The following ST3GAL4 variants were observed in gnomAD, a reference collection of about 807,000 sequenced individuals.
ST3GAL4 encodes CMP-N-acetylneuraminate-beta-galactosamide-alpha-2,3-sialyltransferase 4.
A neutral mutation model predicts 42.6 loss-of-function variants in ST3GAL4; 24 were observed. The observed-to-expected ratio is 0.56, with a 90% CI of 0.41 to 0.79. The LOEUF is 0.79. ST3GAL4 is among the 30% of genes least tolerant of loss of function. ST3GAL4 has a pLI of 0.00. For missense variants in ST3GAL4, 311 were observed against 430.8 expected, an observed-to-expected ratio of 0.72 and a Z score of 2.46; for synonymous variants, 135 against 163.2, an observed-to-expected ratio of 0.83 and a Z score of 1.32.
intron 1 of ST3GAL4, among the ~76,000 whole-genome samples, chr11:126,377,959 C>T (rs1952880948): frequency 6.6e-6 from 1 of 152,040 alleles, no homozygotes; most frequent in Non-Finnish European, 1.5e-5. Flanking sequence ...TGATTTTTTT[C>T]AATTCACTCA....
At chr11:126,390,535 G>A (rs1953457506) in intron 1 of ST3GAL4, among the ~76,000 whole-genome samples, 1 of 151,410 alleles carries the variant, frequency 6.6e-6, no homozygotes, top group Non-Finnish European at 1.5e-5. Context: ...TGTATTCCCT[G>A]GTCACGAGTG....
chr11:126,402,936 G>C (rs1954071299), intron 1 of ST3GAL4, among the ~76,000 whole-genome samples: 1 of 152,190 alleles, frequency 6.6e-6, no homozygotes, highest in Admixed American at 6.5e-5. Context: ...TGGCCTCTTG[G>C]TGAGAGGCTG....
At chr11:126,387,599 C>T (rs1179194888) in intron 1 of ST3GAL4, among the ~76,000 whole-genome samples, 1 of 151,740 alleles carries the variant, frequency 6.6e-6, no homozygotes, top group Non-Finnish European at 1.5e-5. Flanking sequence ...GTTGCTTCAG[C>T]CTGGTGGGTG....
rs769618267 is a variant in ST3GAL4 at position 126,376,160 on chromosome 11, A to C, written c.-61+20318A>C. Reference sequence around the variant, plus strand: ...CATTATATCATAGAGCATATTCTATAGTAAGTTACTCCGATTGGCTTTTGG... The same window carrying C: ...CATTATATCATAGAGCATATTCTATCGTAAGTTACTCCGATTGGCTTTTGG... On this transcript the variant is annotated intron_variant, in intron 1 of 10. Coordinates refer to ENST00000444328, the MANE Select transcript of ST3GAL4 (RefSeq NM_001254757.2). The surrounding 1 kb of genome is among the most constrained non-coding windows in gnomAD (Gnocchi z 5.1). 5.3e-5 allele frequency among the ~76,000 whole-genome samples: 8 copies of C among 152,228 alleles called. No homozygotes were observed. Among genetic ancestry groups the C allele is most frequent in the Non-Finnish European group, 8.8e-5 (6 of 68,032 alleles).
chr11:126,361,011 G>C (rs1952224247), intron 1 of ST3GAL4, among the ~76,000 whole-genome samples: 1 of 152,200 alleles, frequency 6.6e-6, no homozygotes, highest in Admixed American at 6.5e-5. Flanking sequence ...ACCCAGGTGA[G>C]GATGGGCAGG....
chr11:126,385,237 C>T (rs943018412), intron 1 of ST3GAL4, among the ~76,000 whole-genome samples: 16 of 151,200 alleles, frequency 1.1e-4, no homozygotes, highest in African/African-American at 3.4e-4. Flanking sequence ...TCACTGCGAG[C>T]TCTGCCTCCC....
chr11:126,408,186 G>A lies in ST3GAL4; in HGVS notation c.429G>A (p.Val143=). Residue 143 remains valine, a synonymous_variant, in exon 7 of 11, where the codon GTG becomes GTA. Coordinates refer to ENST00000444328, the MANE Select transcript of ST3GAL4 (RefSeq NM_001254757.2). ...SLGDAINKYD[V]VIRLNNAPVA... ...GAGATGCCATCAACAAGTACGATGTGGTCATCAGGTGTGTGTGACTGTCTC... is the reference window on the plus strand; with the variant it reads ...GAGATGCCATCAACAAGTACGATGTAGTCATCAGGTGTGTGTGACTGTCTC... The A allele has an allele frequency of 6.2e-7, 1 of 1,614,152 alleles. No homozygotes were observed. The highest frequency in any genetic ancestry group is 1.1e-5 in the South Asian group (1 of 91,088).
Position 126,400,704 on chromosome 11 carries a change from T to C in ST3GAL4, c.-60-5392T>C, listed in dbSNP as rs1953960680. Among the ~76,000 whole-genome samples, 1 of 152,254 alleles carries C rather than the reference T, an allele frequency of 6.6e-6. No individual in the cohort carries two copies. The highest frequency in any genetic ancestry group is 1.9e-4 in the East Asian group (1 of 5,176). ...TGTTGGCAGTTTCGAAGAAGGGGCA[T>C]GAGTGAGGAAACAGTTGTGGTGAAG... is the stretch of plus-strand genomic sequence containing the variant. On this transcript the variant is annotated intron_variant, in intron 1 of 10. Transcript: ENST00000444328. This position sits in a 1 kb window ranked among gnomAD's most constrained non-coding sequence, Gnocchi z 4.6.
intron 1 of ST3GAL4, chr11:126,403,339 C>T (rs1954091758): frequency 1.1e-6 from 1 of 924,346 alleles, no homozygotes; most frequent in Non-Finnish European, 1.3e-6. Context: ...TAGCGCTGCT[C>T]ACCTCTGACG....
Position 126,406,912 on chromosome 11 carries a change from G to T in ST3GAL4, c.102-31G>T. ...ACATGGGTCCCTGGGTCTGACTGGG[G>T]CTTCTGCCTCCTGTCCTTTTTTCTC... On this transcript the variant is annotated intron_variant, in intron 3 of 10. Coordinates refer to ENST00000444328, the MANE Select transcript of ST3GAL4 (RefSeq NM_001254757.2). The surrounding 1 kb of genome is among the most constrained non-coding windows in gnomAD (Gnocchi z 5.4). 1 of 1,600,678 alleles carries T rather than the reference G, an allele frequency of 6.2e-7. No individual in the cohort carries two copies. The highest frequency in any genetic ancestry group is 1.1e-5 in the South Asian group (1 of 90,738).
chr11:126,406,895 C>T lies in ST3GAL4; in HGVS notation c.102-48C>T, dbSNP rs759850887. On this transcript the variant is annotated intron_variant, in intron 3 of 10. Coordinates refer to ENST00000444328, the MANE Select transcript of ST3GAL4 (RefSeq NM_001254757.2). The surrounding 1 kb of genome is among the most constrained non-coding windows in gnomAD (Gnocchi z 5.4). ...GGCTTAGGCTGCCTGGAACATGGGT[C>T]CCTGGGTCTGACTGGGGCTTCTGCC... The T allele has an allele frequency of 1.3e-6, 2 of 1,536,496 alleles. No individual in the cohort carries two copies. Among genetic ancestry groups the T allele is most frequent in the South Asian group, 2.2e-5 (2 of 89,304 alleles).
At chr11:126,399,301 CTTTTT>C (rs58479155) in intron 1 of ST3GAL4, among the ~76,000 whole-genome samples, 4 of 87,748 alleles carry the variant, frequency 4.6e-5, no homozygotes, top group Admixed American at 1.7e-4. Flanking sequence ...TTCTTTCCTT[CTTTTT>C]TTTTTTTTTT....
In ST3GAL4 at chr11:126,384,304, C is replaced by T. The variant is rs1030203605; in HGVS notation, c.-60-21792C>T. Among the ~76,000 whole-genome samples, 3 of 152,156 alleles carry T rather than the reference C, an allele frequency of 2.0e-5. No individual in the cohort carries two copies. Among genetic ancestry groups the T allele is most frequent in the African/African-American group, 7.2e-5 (3 of 41,418 alleles). ...TTTCTGAGCCCAGATCTCCGGTGCT[C>T]CAAGACACTCAAAACCAGAGCTGAG... is the stretch of plus-strand genomic sequence containing the variant. On this transcript the variant is annotated intron_variant, in intron 1 of 10. Transcript: ENST00000444328. The surrounding 1 kb of genome is among the most constrained non-coding windows in gnomAD (Gnocchi z 5.5).
Position 126,412,497 on chromosome 11 carries a change from G to A in ST3GAL4, c.772-1008G>A, listed in dbSNP as rs139050137. On this transcript the variant is annotated intron_variant, in intron 9 of 10. Coordinates refer to ENST00000444328, the MANE Select transcript of ST3GAL4 (RefSeq NM_001254757.2). ...GTGGATGAATTAGGCATGAGCAACT[G>A]AGGTTCTCAGAGCAGCCAGTAAGGT... Among the ~76,000 whole-genome samples, 27 of 152,346 alleles carry A rather than the reference G, an allele frequency of 1.8e-4. No homozygotes were observed. The Middle Eastern group carries it at 0.01, about 58-fold the overall frequency.
chr11:126,377,151 C>A (rs1427820045), intron 1 of ST3GAL4, among the ~76,000 whole-genome samples: 2 of 152,066 alleles, frequency 1.3e-5, no homozygotes, highest in Admixed American at 6.6e-5. Context: ...TTCGGTAATA[C>A]CTGATTTGTT....
In ST3GAL4 at chr11:126,406,748, G is replaced by A; in HGVS notation, c.101+191G>A. On this transcript the variant is annotated intron_variant, in intron 3 of 10. Transcript: ENST00000444328. This position sits in a 1 kb window ranked among gnomAD's most constrained non-coding sequence, Gnocchi z 5.4. ...GGGTAGGGCCTGGGATGTCTCACTG[G>A]GCCCTCACCCAGGGAGTGCAGGGGC... 1.1e-6 allele frequency: 1 copy of A among 943,726 alleles called. No individual in the cohort carries two copies. The highest frequency in any genetic ancestry group is 1.6e-6 in the Non-Finnish European group (1 of 634,354). The allele number at this position is 943,726 out of a possible 1,614,324, so 58.5% of individuals were successfully genotyped here.
chr11:126,390,017 C>CAAAAAAAAAAAA (rs57306343), intron 1 of ST3GAL4, among the ~76,000 whole-genome samples: 4 of 114,598 alleles, frequency 3.5e-5, no homozygotes, highest in Non-Finnish European at 5.3e-5. Flanking sequence ...GCTAAAAATA[C>CAAAAAAAAAAAA]AAAAAAAAAA....
At chr11:126,408,244 G>A in intron 7 of ST3GAL4, 50 bp downstream of exon 7, 1 of 1,612,810 alleles carries the variant, frequency 6.2e-7, no homozygotes, top group South Asian at 1.1e-5. Flanking sequence ...GGATGTCCGA[G>A]CCAGGGACTG....
chr11:126,358,204 C>T (rs748672646), intron 1 of ST3GAL4, among the ~76,000 whole-genome samples: 5 of 152,250 alleles, frequency 3.3e-5, no homozygotes, highest in Admixed American at 6.5e-5. Flanking sequence ...TCAGTTCAGT[C>T]GCACTGGGCC....
Sources: gnomAD v4.1 joint callset for allele counts (sites outside exome capture counted in the v4.1 genomes callset) on GRCh38, gnomAD v4.1.1 for gene constraint, Gnocchi (gnomAD v3.1) non-coding constraint, MANE v1.5 for transcripts, NCBI Gene and HGNC (gene_info 2026-07-23, HGNC 2026-07-21) for gene names.